Variants in WDR19 observed in about 807,000 individuals in gnomAD.
WDR19 encodes the protein WD repeat-containing protein 19.
WDR19 carries 121 observed loss-of-function variants against 180.0 expected under a neutral mutation model. The observed-to-expected ratio is 0.67, with a 90% CI of 0.58 to 0.78. The LOEUF is 0.78. WDR19 is among the 30% of genes least tolerant of loss of function. The probability of loss-of-function intolerance (pLI) is 0.00; values close to 1 mark genes in which losing one functional copy is unlikely to be tolerated. For missense variants in WDR19, 1,450 were observed against 1,640.7 expected, an observed-to-expected ratio of 0.88 and a Z score of 2.01; for synonymous variants, 497 against 540.7, an observed-to-expected ratio of 0.92 and a Z score of 1.12.
intron 14 of WDR19, among the ~76,000 whole-genome samples, chr4:39,222,432 T>C (rs536281431): frequency 4.1e-4 from 62 of 152,336 alleles, no homozygotes; most frequent in African/African-American, 1.4e-3. Flanking sequence ...GTCCAGTTTA[T>C]CAATTTATTT....
chr4:39,275,338 T>TAA, intron 33 of WDR19: 29 of 156,292 alleles, frequency 1.9e-4, no homozygotes, highest in South Asian at 9.2e-4. Context: ...AGACCCCATC[T>TAA]CAAAAAAAAA....
At position 39,189,732 on chromosome 4, in the gene WDR19, C is replaced by T. The variant is rs775353527; in HGVS notation, c.241C>T (p.Leu81Phe). The change falls in exon 4 of 37, where the codon CTT becomes TTT. Residue 81 changes from leucine to phenylalanine, a missense_variant. By Grantham distance (22) the Leu-to-Phe change is conservative (BLOSUM62 0). Coordinates refer to ENST00000399820, the MANE Select transcript of WDR19 (RefSeq NM_025132.4). ...VIAEKSSCIY[L>F]WDANTNKTSQ... is the part of the protein sequence containing the mutation. ...TGCTGAGAAATCTAGCTGCATTTAT[C>T]TTTGGGATGCCAACACAAATAAGAC... 4 of 1,611,436 alleles carry T rather than the reference C, an allele frequency of 2.5e-6. No individual in the cohort carries two copies. The Admixed American group carries it at 6.7e-5, about 27-fold the overall frequency.
At chr4:39,253,518 C>T (rs1733455475) in intron 25 of WDR19, among the ~76,000 whole-genome samples, 1 of 152,130 alleles carries the variant, frequency 6.6e-6, no homozygotes, top group Non-Finnish European at 1.5e-5. Context: ...TGGCTCACAC[C>T]TGTAATCCCA....
At chr4:39,183,723 AT>A (rs1426997160) in intron 1 of WDR19, among the ~76,000 whole-genome samples, 1 of 152,180 alleles carries the variant, frequency 6.6e-6, no homozygotes. Flanking sequence ...ACAGTTGAGA[AT>A]TTTTTGCTGG....
intron 21 of WDR19, among the ~76,000 whole-genome samples, chr4:39,242,091 G>C (rs1276468837): frequency 6.6e-6 from 1 of 151,750 alleles, no homozygotes; most frequent in Admixed American, 6.5e-5. Flanking sequence ...TTTTGAGACA[G>C]GGTCTCATTC....
chr4:39,213,114 G>T (rs1413928049), intron 9 of WDR19, among the ~76,000 whole-genome samples: 1 of 152,198 alleles, frequency 6.6e-6, no homozygotes, highest in Non-Finnish European at 1.5e-5. Context: ...GGAGAAACTG[G>T]ATTACTCATA....
Position 39,222,122 on chromosome 4 carries a change from A to G in WDR19, c.1480-2762A>G, listed in dbSNP as rs537619914. ...AGTCTTTTTCATTTTAGCCACTCTA[A>G]TAGATGTGTAGTGGTATCATTGTTA... On this transcript the variant is annotated intron_variant, in intron 14 of 36. Transcript: ENST00000399820. 1.1e-4 allele frequency among the ~76,000 whole-genome samples: 16 copies of G among 152,290 alleles called. No individual in the cohort carries two copies. The South Asian group carries it at 3.3e-3, about 32-fold the overall frequency.
intron 24 of WDR19, among the ~76,000 whole-genome samples, chr4:39,252,459 A>T (rs1333260962): frequency 6.6e-6 from 1 of 151,660 alleles, no homozygotes; most frequent in Non-Finnish European, 1.5e-5. Context: ...GTATACATAG[A>T]TAACAAACCT....
intron 28 of WDR19, among the ~76,000 whole-genome samples, chr4:39,262,262 T>A (rs1734362363): frequency 6.6e-6 from 1 of 152,036 alleles, no homozygotes; most frequent in Non-Finnish European, 1.5e-5. Context: ...GCCACTTTTT[T>A]CCCCCCGTTT....
intron 19 of WDR19, 28 bp downstream of exon 19, chr4:39,232,300 G>A: frequency 1.9e-6 from 3 of 1,562,588 alleles, no homozygotes; most frequent in Non-Finnish European, 2.6e-6. Flanking sequence ...AATGGAAATT[G>A]TGTAAGAGGT....
At chr4:39,247,194 C>T (rs2109416462) in intron 24 of WDR19, among the ~76,000 whole-genome samples, 1 of 152,320 alleles carries the variant, frequency 6.6e-6, no homozygotes, top group Non-Finnish European at 1.5e-5. Context: ...ATTTGCGGTT[C>T]ACCAATATCC....
intron 24 of WDR19, among the ~76,000 whole-genome samples, chr4:39,246,770 TG>T (rs1732570053): frequency 6.6e-6 from 1 of 152,150 alleles, no homozygotes; most frequent in Non-Finnish European, 1.5e-5. Context: ...CACAGCAGTC[TG>T]AGATCAAACT....
At chr4:39,241,419 A>T (rs1192818271) in intron 21 of WDR19, among the ~76,000 whole-genome samples, 3 of 149,092 alleles carry the variant, frequency 2.0e-5, no homozygotes, top group African/African-American at 5.0e-5. Context: ...GCTTGAACCC[A>T]GAAGGCGGAG....
At chr4:39,208,065 A>G (rs1474660232) in intron 9 of WDR19, among the ~76,000 whole-genome samples, 1 of 152,144 alleles carries the variant, frequency 6.6e-6, no homozygotes, top group African/African-American at 2.4e-5. Context: ...TTAAATATGT[A>G]TATTATAATC....
intron 14 of WDR19, among the ~76,000 whole-genome samples, chr4:39,219,376 A>T (rs965033552): frequency 2.0e-5 from 3 of 152,222 alleles, no homozygotes; most frequent in African/African-American, 7.2e-5. Context: ...ATCTTATGGG[A>T]CTACCATCAT....
chr4:39,269,291 G>A (rs540532911), intron 30 of WDR19, among the ~76,000 whole-genome samples: 3 of 152,258 alleles, frequency 2.0e-5, no homozygotes, highest in Non-Finnish European at 4.4e-5. Flanking sequence ...CAAGGCTTGA[G>A]GGTTTTGAAG....
At chr4:39,231,997 T>C in intron 18 of WDR19, 41 bp downstream of exon 18, 1 of 1,594,644 alleles carries the variant, frequency 6.3e-7, no homozygotes, top group Non-Finnish European at 8.6e-7. Flanking sequence ...AAAATTTAAA[T>C]GCTATTTTAA....
chr4:39,188,329 T>G (rs1486345688), intron 3 of WDR19, among the ~76,000 whole-genome samples: 1 of 152,082 alleles, frequency 6.6e-6, no homozygotes, highest in African/African-American at 2.4e-5. Flanking sequence ...TTTGGAATAA[T>G]AGCAAGAATC....
At chr4:39,283,991 C>T (rs1736860198) in intron 36 of WDR19, among the ~76,000 whole-genome samples, 2 of 152,154 alleles carry the variant, frequency 1.3e-5, no homozygotes. Flanking sequence ...TTTCTGGCTA[C>T]ATTCAAGGAA....
Sources: gnomAD v4.1 joint callset for allele counts (sites outside exome capture counted in the v4.1 genomes callset) on GRCh38, gnomAD v4.1.1 for gene constraint, MANE v1.5 for transcripts, NCBI Gene and HGNC (gene_info 2026-07-23, HGNC 2026-07-21) for gene names.